Variants in DDAH1 observed in about 807,000 individuals in gnomAD.
The protein encoded by DDAH1 is N(G),N(G)-dimethylarginine dimethylaminohydrolase 1.
Under a neutral mutation model 28.8 loss-of-function variants are expected in DDAH1, and 19 were observed. That is an observed-to-expected ratio of 0.66 (90% confidence interval 0.46 to 0.97). The LOEUF (loss-of-function observed/expected upper bound fraction) is 0.97. Among genes scored for constraint, DDAH1 ranks in the 50% least tolerant of loss-of-function variants. The probability of loss-of-function intolerance (pLI) is 0.00; values close to 1 mark genes in which losing one functional copy is unlikely to be tolerated. For synonymous variants in DDAH1, 153 were observed against 154.4 expected, an observed-to-expected ratio of 0.99 and a Z score of 0.07; for missense variants, 326 against 375.9, an observed-to-expected ratio of 0.87 and a Z score of 1.10.
At chr1:85,577,214 C>T (rs930391840) in intron 1 of DDAH1, among the ~76,000 whole-genome samples, 1 of 152,106 alleles carries the variant, frequency 6.6e-6, no homozygotes, top group East Asian at 1.9e-4. Context: ...CCGCTCCCTC[C>T]GCAGGGGTCC....
chr1:85,321,254 T>A lies in DDAH1; in HGVS notation c.*198A>T. 4.0e-6 allele frequency: 2 copies of A among 505,454 alleles called. No individual in the cohort carries two copies. Among genetic ancestry groups the A allele is most frequent in the Non-Finnish European group, 7.0e-6 (2 of 286,244 alleles). 31.3% of individuals were successfully genotyped at this position (505,454 alleles called of 1,614,324 possible). On this transcript the variant is annotated 3_prime_UTR_variant, in exon 6 of 6. Coordinates refer to ENST00000284031, the MANE Select transcript of DDAH1 (RefSeq NM_012137.4). ...TAGGTTGCTTAATTCATTTAGCAAA[T>A]CCACAGCTTAGGTACCACCTCGAGG...
At chr1:85,474,308 C>T (rs1306866868) in intron 2 of DDAH1, among the ~76,000 whole-genome samples, 1 of 152,208 alleles carries the variant, frequency 6.6e-6, no homozygotes, top group Non-Finnish European at 1.5e-5. Flanking sequence ...CTGCCATTGT[C>T]TTGTCTAAAT....
intron 1 of DDAH1, among the ~76,000 whole-genome samples, chr1:85,525,310 G>A (rs622159): frequency 0.16 from 23,854 of 151,876 alleles, 1,977 homozygotes; most frequent in South Asian, 0.22. Flanking sequence ...TACAGCATAT[G>A]TATCTACATA....
intron 1 of DDAH1, among the ~76,000 whole-genome samples, chr1:85,414,171 GA>G (rs1652781363): frequency 6.6e-6 from 1 of 151,474 alleles, no homozygotes; most frequent in African/African-American, 2.4e-5. Context: ...TTAGAACCCA[GA>G]AACAGATCCA....
At chr1:85,529,304 G>A (rs1235640307) in intron 1 of DDAH1, among the ~76,000 whole-genome samples, 14 of 152,074 alleles carry the variant, frequency 9.2e-5, no homozygotes, top group Admixed American at 8.5e-4. Flanking sequence ...TGGTTTATAA[G>A]TATAAATTTT....
intron 1 of DDAH1, among the ~76,000 whole-genome samples, chr1:85,577,021 T>C (rs1175988351): frequency 6.6e-6 from 1 of 151,776 alleles, no homozygotes; most frequent in East Asian, 2.0e-4. Flanking sequence ...TTGAAAGACT[T>C]TCACCAAATA....
At chr1:85,450,385 T>C (rs1300898272) in intron 1 of DDAH1, among the ~76,000 whole-genome samples, 1 of 152,218 alleles carries the variant, frequency 6.6e-6, no homozygotes, top group Non-Finnish European at 1.5e-5. Context: ...TCTGGGTCTT[T>C]ACAGGTGACC....
chr1:85,496,900 T>A (rs973227868), intron 1 of DDAH1, among the ~76,000 whole-genome samples: 25 of 152,348 alleles, frequency 1.6e-4, no homozygotes, highest in African/African-American at 5.8e-4. Flanking sequence ...CGAACACTAA[T>A]ACTATAAAAC....
rs540461994 is a variant in DDAH1, at chr1:85,375,557, T to C, written c.304-16710A>G. 1.2e-4 allele frequency among the ~76,000 whole-genome samples: 19 copies of C among 152,328 alleles called. No homozygotes were observed. In the South Asian group the frequency reaches 3.9e-3, roughly 32 times the overall value. On this transcript the variant is annotated intron_variant, in intron 1 of 5. Transcript: ENST00000284031. Reference sequence around the variant, plus strand: ...AACTGAAGCCATTATTGTGCTTGAATAGCCATATTCCATTAAATTGCTAAT... The same window carrying C: ...AACTGAAGCCATTATTGTGCTTGAACAGCCATATTCCATTAAATTGCTAAT...
intron 1 of DDAH1, among the ~76,000 whole-genome samples, chr1:85,520,087 T>A (rs567290396): frequency 1.3e-5 from 2 of 152,230 alleles, no homozygotes; most frequent in African/African-American, 4.8e-5. Context: ...TAGTCTTATA[T>A]CCTTCACTCC....
chr1:85,362,799 C>G (rs932636553), intron 1 of DDAH1, among the ~76,000 whole-genome samples: 7 of 152,142 alleles, frequency 4.6e-5, no homozygotes, highest in Non-Finnish European at 1.0e-4. Flanking sequence ...TTATTTTGCC[C>G]TAAATTAACT....
intron 4 of DDAH1, among the ~76,000 whole-genome samples, chr1:85,327,376 T>C (rs1229326082): frequency 6.6e-6 from 1 of 151,900 alleles, no homozygotes; most frequent in Admixed American, 6.6e-5. Context: ...ATTCTCACAA[T>C]TACTTCTTCA....
intron 1 of DDAH1, among the ~76,000 whole-genome samples, chr1:85,362,495 G>A (rs1264324560): frequency 6.6e-6 from 1 of 151,560 alleles, no homozygotes; most frequent in Non-Finnish European, 1.5e-5. Flanking sequence ...CTTCTTTTAC[G>A]GCTCTCATTT....
At chr1:85,485,000 C>T (rs1037968332) in intron 2 of DDAH1, among the ~76,000 whole-genome samples, 2 of 152,214 alleles carry the variant, frequency 1.3e-5, no homozygotes, top group African/African-American at 4.8e-5. Context: ...ATACAGGTTA[C>T]TGTGTGCTAT....
chr1:85,518,539 C>A (rs564324890), intron 1 of DDAH1, among the ~76,000 whole-genome samples: 3 of 152,186 alleles, frequency 2.0e-5, no homozygotes, highest in African/African-American at 7.2e-5. Flanking sequence ...TCAAAAACAG[C>A]GACAGGGTGG....
In DDAH1 at chr1:85,537,566, T is replaced by TTAGA. The variant is rs150037348; in HGVS notation, c.-123+40417_-123+40418insTCTA. The stretch of plus-strand genomic sequence containing the variant: ...TTGGTCAACAGTCACAAAATTACAA[T>TTAGA]TAGGAAGAATAAGTTCTGGTGTTCT... On this transcript the variant is annotated intron_variant, in intron 1 of 6. Coordinates refer to the DDAH1 transcript ENST00000426972. 9.3e-4 allele frequency among the ~76,000 whole-genome samples: 3 copies of TTAGA among 3,212 alleles called. No homozygotes were observed. In the Non-Finnish European group the frequency reaches 0.079, roughly 85 times the overall value. The allele number at this position is 3,212 out of a possible 152,430, so 2.1% of individuals were successfully genotyped here.
upstream of DDAH1, among the ~76,000 whole-genome samples, chr1:85,469,432 C>A (rs1655539564): frequency 6.6e-6 from 1 of 152,192 alleles, no homozygotes; most frequent in African/African-American, 2.4e-5. Flanking sequence ...GCCTCAGTTT[C>A]ATCATCATCT....
At chr1:85,435,655 G>C (rs986245832) in intron 1 of DDAH1, among the ~76,000 whole-genome samples, 2 of 152,220 alleles carry the variant, frequency 1.3e-5, no homozygotes, top group East Asian at 3.8e-4. Flanking sequence ...AAAGTGGTCT[G>C]TATAGGCCTC....
At chr1:85,466,175 C>T (rs527828389), upstream of DDAH1, among the ~76,000 whole-genome samples, 2 of 152,264 alleles carry the variant, frequency 1.3e-5, no homozygotes, top group Non-Finnish European at 1.5e-5. Context: ...CTTCTCTCCC[C>T]TCCCACAAGG....
Sources: allele counts gnomAD v4.1 joint callset (sites outside exome capture counted in the v4.1 genomes callset), GRCh38; gene constraint gnomAD v4.1.1; transcripts MANE v1.5; gene names NCBI Gene and HGNC (gene_info 2026-07-23, HGNC 2026-07-21).